CSMD1: variants seen among roughly 807,000 people sequenced by gnomAD.
CSMD1 encodes the protein CUB and sushi domain-containing protein 1.
Under a neutral mutation model 417.5 loss-of-function variants are expected in CSMD1, and 213 were observed. The ratio of observed to expected loss-of-function variants is 0.51; its 90% confidence interval spans 0.46 to 0.57. The LOEUF is 0.57. Among genes scored for constraint, CSMD1 ranks in the 20% least tolerant of loss-of-function variants. The probability of loss-of-function intolerance (pLI) is 0.00; values close to 1 mark genes in which losing one functional copy is unlikely to be tolerated. For missense variants in CSMD1, 6,923 were observed against 4,529.7 expected (o/e 1.53, Z -15.17); for synonymous variants, 2,862 against 1,736.8 (o/e 1.65, Z -16.11).
At chr8:4,314,983 T>A (rs1437956205) in intron 3 of CSMD1, among the ~76,000 whole-genome samples, 2 of 152,146 alleles carry the variant, frequency 1.3e-5, no homozygotes, top group Non-Finnish European at 2.9e-5. Context: ...CCTTCCCACA[T>A]GGCTAATAGT....
At chr8:3,848,601 A>G (rs1410605120) in intron 5 of CSMD1, among the ~76,000 whole-genome samples, 4 of 152,174 alleles carry the variant, frequency 2.6e-5, no homozygotes, top group African/African-American at 7.2e-5. Context: ...GAACTGCTCA[A>G]TTTCCCTCAC....
chr8:4,680,548 C>T (rs1368586171), intron 1 of CSMD1, among the ~76,000 whole-genome samples: 1 of 152,044 alleles, frequency 6.6e-6, no homozygotes, highest in Non-Finnish European at 1.5e-5. Flanking sequence ...GATGGTGAGC[C>T]AGCTTGATAG....
intron 27 of CSMD1, among the ~76,000 whole-genome samples, chr8:3,227,251 A>T (rs558122426): frequency 2.0e-5 from 3 of 152,122 alleles, no homozygotes; most frequent in African/African-American, 7.2e-5. Context: ...ATACAAAAAA[A>T]TTAGCCGGGC....
chr8:3,627,619 T>C (rs184630971), intron 7 of CSMD1, among the ~76,000 whole-genome samples: 1 of 152,330 alleles, frequency 6.6e-6, no homozygotes, highest in East Asian at 1.9e-4. Flanking sequence ...TAAACTTTAA[T>C]GTTTATAGGG....
intron 21 of CSMD1, among the ~76,000 whole-genome samples, chr8:3,358,551 T>A (rs1808949079): frequency 6.6e-6 from 1 of 152,174 alleles, no homozygotes; most frequent in South Asian, 2.1e-4. Flanking sequence ...TTCCTGCATG[T>A]GAGCCTAGTA....
At chr8:4,603,297 T>G (rs1039735146) in intron 2 of CSMD1, among the ~76,000 whole-genome samples, 2 of 152,088 alleles carry the variant, frequency 1.3e-5, no homozygotes, top group Non-Finnish European at 2.9e-5. Context: ...TTCAATCAAT[T>G]CCTTTTTTGT....
intron 1 of CSMD1, chr8:4,787,448 A>G (rs1263948072): frequency 6.5e-6 from 5 of 769,694 alleles, no homozygotes; most frequent in Non-Finnish European, 1.2e-5. Flanking sequence ...AAATGTAGCT[A>G]GAAAGAATCA....
intron 1 of CSMD1, among the ~76,000 whole-genome samples, chr8:4,798,943 C>A (rs1005741886): frequency 1.3e-5 from 2 of 152,202 alleles, no homozygotes; most frequent in Non-Finnish European, 2.9e-5. Flanking sequence ...CATTCTTGAT[C>A]TGCCCTCCAA....
intron 3 of CSMD1, among the ~76,000 whole-genome samples, chr8:4,165,110 A>T (rs1482238139): frequency 6.6e-6 from 1 of 152,126 alleles, no homozygotes; most frequent in African/African-American, 2.4e-5. Flanking sequence ...CTAAGAATTC[A>T]TGTGCTGGTG....
chr8:4,055,290 C>T (rs1310171141), intron 3 of CSMD1, among the ~76,000 whole-genome samples: 1 of 152,046 alleles, frequency 6.6e-6, no homozygotes, highest in African/African-American at 2.4e-5. Context: ...TATTGTTTTT[C>T]TCTAGAAAGA....
chr8:2,949,065 C>G (rs1802442265), intron 68 of CSMD1, among the ~76,000 whole-genome samples: 2 of 150,798 alleles, frequency 1.3e-5, no homozygotes, highest in African/African-American at 4.9e-5. Flanking sequence ...TTTAATAGCT[C>G]TTGATATAGT....
intron 3 of CSMD1, among the ~76,000 whole-genome samples, chr8:4,051,921 T>TTTC (rs1491201908): frequency 8.7e-5 from 13 of 149,984 alleles, no homozygotes; most frequent in Admixed American, 2.7e-4. Context: ...CCTTTCTTTC[T>TTTC]TTTTCTTTCT....
At chr8:3,743,323 G>C (rs954183238) in intron 6 of CSMD1, among the ~76,000 whole-genome samples, 2 of 152,246 alleles carry the variant, frequency 1.3e-5, no homozygotes, top group African/African-American at 4.8e-5. Flanking sequence ...GATGCTGGAA[G>C]CAACAAACAA....
chr8:4,314,613 AC>A (rs1798816320), intron 3 of CSMD1, among the ~76,000 whole-genome samples: 3 of 152,084 alleles, frequency 2.0e-5, no homozygotes. Context: ...TCACACACAC[AC>A]ACACACACAC....
chr8:3,934,699 C>G (rs1252488018), intron 5 of CSMD1, among the ~76,000 whole-genome samples: 1 of 151,860 alleles, frequency 6.6e-6, no homozygotes. Flanking sequence ...ACTAAACATG[C>G]AAAAATTTAG....
chr8:3,610,163 A>C (rs1003992628), intron 8 of CSMD1, among the ~76,000 whole-genome samples: 5 of 152,152 alleles, frequency 3.3e-5, no homozygotes, highest in African/African-American at 1.2e-4. Flanking sequence ...AGGCATCCTT[A>C]CTTGGCTGTA....
At chr8:4,536,816 G>T (rs561199981) in intron 2 of CSMD1, among the ~76,000 whole-genome samples, 1 of 152,006 alleles carries the variant, frequency 6.6e-6, no homozygotes, top group African/African-American at 2.4e-5. Context: ...ATTAACATGC[G>T]GCCAAATTTC....
chr8:3,064,703 A>AC (rs201715232), intron 49 of CSMD1, among the ~76,000 whole-genome samples: 1,713 of 152,320 alleles, frequency 0.011, 35 homozygotes, highest in African/African-American at 0.039. Context: ...GCATTTTCTC[A>AC]AAGTTGGCCA....
At chr8:3,722,706 T>A (rs955003753) in intron 6 of CSMD1, among the ~76,000 whole-genome samples, 1 of 152,166 alleles carries the variant, frequency 6.6e-6, no homozygotes, top group Non-Finnish European at 1.5e-5. Flanking sequence ...TTTTCTGGAT[T>A]CTAGATTACA....
Sources: allele counts gnomAD v4.1 joint callset (sites outside exome capture counted in the v4.1 genomes callset), GRCh38; gene constraint gnomAD v4.1.1; transcripts MANE v1.5; gene names NCBI Gene and HGNC (gene_info 2026-07-23, HGNC 2026-07-21).